KHDRBS2: variants seen among roughly 807,000 people sequenced by gnomAD.
KHDRBS2 encodes KH domain-containing, RNA-binding, signal transduction-associated protein 2.
Under a neutral mutation model 44.3 loss-of-function variants are expected in KHDRBS2, and 26 were observed. The observed-to-expected ratio is 0.59, with a 90% CI of 0.43 to 0.81. KHDRBS2 has a LOEUF of 0.81. Ranked by LOEUF, KHDRBS2 falls within the 40% of genes least tolerant of loss-of-function variation. The pLI is 0.00. For synonymous variants in KHDRBS2, 194 were observed against 151.1 expected (o/e 1.28, Z -2.08); for missense variants, 476 against 433.1 (o/e 1.10, Z -0.88).
chr6:61,557,091 T>G, the KHDRBS2 span, among the ~76,000 whole-genome samples: 2 of 152,156 alleles, frequency 1.3e-5, no homozygotes, highest in Admixed American at 1.3e-4. Context: ...TTTGCCCTCA[T>G]GTACCACCTG....
chr6:62,080,391 C>T (rs555201796), intron 2 of KHDRBS2, among the ~76,000 whole-genome samples: 4 of 152,148 alleles, frequency 2.6e-5, no homozygotes, highest in Admixed American at 2.6e-4. Context: ...AAAAACAGTT[C>T]AAAGTCATTT....
intron 4 of KHDRBS2, among the ~76,000 whole-genome samples, chr6:61,918,451 G>C (rs9351540): frequency 6.6e-6 from 1 of 151,928 alleles, no homozygotes; most frequent in East Asian, 1.9e-4. Flanking sequence ...GTTAGGAAGG[G>C]GACCCTCATG....
At chr6:62,144,250 A>T (rs1458112273) in intron 2 of KHDRBS2, among the ~76,000 whole-genome samples, 3 of 151,984 alleles carry the variant, frequency 2.0e-5, no homozygotes, top group Non-Finnish European at 4.4e-5. Context: ...TTGCATTTAG[A>T]AACCCCAACT....
chr6:61,884,461 T>C (rs957725847), intron 6 of KHDRBS2, among the ~76,000 whole-genome samples: 13 of 152,140 alleles, frequency 8.5e-5, no homozygotes, highest in Non-Finnish European at 1.6e-4. Flanking sequence ...TAAAAATAAA[T>C]TAAACGTATG....
chr6:62,093,641 C>G (rs552751649), intron 2 of KHDRBS2, among the ~76,000 whole-genome samples: 2 of 151,952 alleles, frequency 1.3e-5, no homozygotes, highest in South Asian at 4.1e-4. Context: ...AATCTCTCAT[C>G]CCTCCTTTAC....
At chr6:61,933,284 C>T (rs1314427358) in intron 4 of KHDRBS2, among the ~76,000 whole-genome samples, 4 of 152,142 alleles carry the variant, frequency 2.6e-5, no homozygotes. Flanking sequence ...TTGTTCCAAT[C>T]ACCTCCCATG....
At chr6:61,983,245 T>TCTTTCTTTCTTTCTTTCTTTCTTTC (rs1376239482) in intron 3 of KHDRBS2, among the ~76,000 whole-genome samples, 3 of 140,022 alleles carry the variant, frequency 2.1e-5, no homozygotes, top group African/African-American at 5.4e-5. Flanking sequence ...TCTTTTTTTT[T>TCTTTCTTTCTTTCTTTCTTTCTTTC]TTTTTTTTTT....
the KHDRBS2 span, among the ~76,000 whole-genome samples, chr6:61,634,687 G>A: frequency 3.3e-5 from 5 of 152,010 alleles, no homozygotes; most frequent in East Asian, 1.9e-4. Context: ...ATCTGTAAAC[G>A]TAGGCATAAA....
intron 2 of KHDRBS2, among the ~76,000 whole-genome samples, chr6:62,126,834 G>T (rs1809090945): frequency 6.6e-6 from 1 of 152,098 alleles, no homozygotes; most frequent in Admixed American, 6.5e-5. Flanking sequence ...TATTCAGAAA[G>T]AAACTTCCCA....
chr6:61,654,740 G>A, the KHDRBS2 span, among the ~76,000 whole-genome samples: 1 of 151,348 alleles, frequency 6.6e-6, no homozygotes, highest in African/African-American at 2.4e-5. Flanking sequence ...ACCCTAAGCT[G>A]GAGGGACACA....
intron 1 of KHDRBS2, among the ~76,000 whole-genome samples, chr6:62,259,097 T>C (rs1381695101): frequency 6.6e-6 from 1 of 152,088 alleles, no homozygotes; most frequent in Non-Finnish European, 1.5e-5. Flanking sequence ...CAAAGAATTA[T>C]GTCTATTAGA....
At chr6:61,665,626 AG>A in the KHDRBS2 span, among the ~76,000 whole-genome samples, 7 of 151,412 alleles carry the variant, frequency 4.6e-5, no homozygotes, top group African/African-American at 1.7e-4. Context: ...GTTCTATTAA[AG>A]TCTGAAATAC....
At position 61,863,263 on chromosome 6, in the gene KHDRBS2, T is replaced by G. The variant is rs1334338125; in HGVS notation, c.810+31372A>C. ...ATTTGTTGAGCTTTTGAAGGGGTTT[T>G]TTTTTTTTTTTGTCTTTCAATCTCC... On this transcript the variant is annotated intron_variant, in intron 6 of 8. Transcript: ENST00000281156. Among the ~76,000 whole-genome samples, 3 of 151,390 alleles carry G rather than the reference T, an allele frequency of 2.0e-5. No individual in the cohort carries two copies. The East Asian group carries it at 5.8e-4, about 29-fold the overall frequency.
chr6:61,629,269 AG>A, the KHDRBS2 span, among the ~76,000 whole-genome samples: 1 of 152,208 alleles, frequency 6.6e-6, no homozygotes, highest in African/African-American at 2.4e-5. Context: ...TGCACCTTTA[AG>A]TATAATAAGG....
chr6:62,068,089 G>A (rs1025516837), intron 2 of KHDRBS2, among the ~76,000 whole-genome samples: 2 of 151,458 alleles, frequency 1.3e-5, no homozygotes, highest in African/African-American at 4.8e-5. Context: ...GGAATTCTAA[G>A]TTTAACATTT....
chr6:62,131,095 A>G (rs1810196439), intron 2 of KHDRBS2, among the ~76,000 whole-genome samples: 3 of 152,138 alleles, frequency 2.0e-5, no homozygotes, highest in African/African-American at 4.8e-5. Context: ...AACTTGTAAT[A>G]TATCTTGTAA....
intron 1 of KHDRBS2, among the ~76,000 whole-genome samples, chr6:62,236,192 C>A (rs1336599357): frequency 6.6e-6 from 1 of 151,876 alleles, no homozygotes; most frequent in Admixed American, 6.6e-5. Context: ...CTCTCTATAC[C>A]TTAACAATAA....
chr6:62,176,725 G>T (rs1563006267), intron 2 of KHDRBS2, among the ~76,000 whole-genome samples: 1 of 151,158 alleles, frequency 6.6e-6, no homozygotes, highest in African/African-American at 2.4e-5. Context: ...GATTATAGAA[G>T]ACTATAGGTT....
At chr6:61,864,722 A>C (rs1562328890) in intron 6 of KHDRBS2, among the ~76,000 whole-genome samples, 1 of 152,074 alleles carries the variant, frequency 6.6e-6, no homozygotes, top group Non-Finnish European at 1.5e-5. Flanking sequence ...TCTTTGGAGA[A>C]TCTGATGATG....
Sources: allele counts gnomAD v4.1 joint callset (sites outside exome capture counted in the v4.1 genomes callset), GRCh38; gene constraint gnomAD v4.1.1; transcripts MANE v1.5; gene names NCBI Gene and HGNC (gene_info 2026-07-23, HGNC 2026-07-21).